SLC9A2: variants seen among roughly 807,000 people sequenced by gnomAD.
SLC9A2 encodes the protein sodium/hydrogen exchanger 2.
In SLC9A2, 42 loss-of-function variants were observed where a neutral mutation model predicts 71.7. The ratio of observed to expected loss-of-function variants is 0.59; its 90% CI spans 0.46 to 0.76. The LOEUF is 0.76. Among genes scored for constraint, SLC9A2 ranks in the 30% least tolerant of loss-of-function variants. SLC9A2 has a pLI of 0.00. For missense variants in SLC9A2, 829 were observed against 1,017.4 expected, an observed-to-expected ratio of 0.81 and a Z score of 2.52; for synonymous variants, 396 against 392.5, an observed-to-expected ratio of 1.01 and a Z score of -0.10.
intron 8 of SLC9A2, among the ~76,000 whole-genome samples, chr2:102,701,896 G>A (rs1677880439): frequency 6.6e-6 from 1 of 152,148 alleles, no homozygotes; most frequent in African/African-American, 2.4e-5. Context: ...CTGAAATTCT[G>A]ATATTGGGTT....
In SLC9A2 at chr2:102,654,195, C is replaced by CTTTTT. The variant is rs34248413; in HGVS notation, c.290-3350_290-3346dup. On this transcript the variant is annotated intron_variant, in intron 1 of 11. Transcript: ENST00000233969. ...CTGGCGATGCTGCTGTTGGCTGACT[C>CTTTTT]TTTTTTTTTTTTTTTTTTTTTTTGA... 5.3e-3 allele frequency among the ~76,000 whole-genome samples: 477 copies of CTTTTT among 89,538 alleles called. 26 individuals carry two copies. The highest frequency in any genetic ancestry group is 0.019 in the African/African-American group (412 of 21,186). The allele number at this position is 89,538 out of a possible 152,430, so 58.7% of individuals were successfully genotyped here. A position where few individuals can be genotyped will look rare whatever the true frequency, so the allele number is the denominator to read the frequency against.
At chr2:102,632,111 T>C (rs1467817510) in intron 1 of SLC9A2, among the ~76,000 whole-genome samples, 3 of 115,698 alleles carry the variant, frequency 2.6e-5, no homozygotes, top group East Asian at 2.3e-4. Context: ...TACATATATA[T>C]GTATATATAC....
intron 3 of SLC9A2, among the ~76,000 whole-genome samples, chr2:102,680,167 T>C (rs1237430036): frequency 1.3e-5 from 2 of 152,220 alleles, no homozygotes; most frequent in East Asian, 1.9e-4. Flanking sequence ...CATTTTTTTT[T>C]CCACTACATG....
intron 8 of SLC9A2, 147 bp downstream of exon 8, chr2:102,701,378 C>A: frequency 1.7e-6 from 1 of 587,174 alleles, no homozygotes; most frequent in Non-Finnish European, 2.9e-6. Flanking sequence ...AGGCATGAGC[C>A]ACTGTGCCCA....
chr2:102,704,569 T>C lies in SLC9A2; in HGVS notation c.1871T>C (p.Leu624Pro). Residue 624 changes from leucine to proline, a missense_variant, in exon 10 of 12, where the codon CTG (leucine) becomes CCG (proline). By Grantham distance (98) the Leu-to-Pro change is moderately conservative. Around this residue, in one of 3 missense-constraint regions of SLC9A2, gnomAD observed 500 missense variants for 726.3 expected, o/e 0.69. Coordinates refer to ENST00000233969, the MANE Select transcript of SLC9A2 (RefSeq NM_003048.6). ...ACTTTATCCTACAACAGACACAGTC[T>C]GACAGCCGACACAAGTGAGAGACAA... ...QRTLSYNRHS[L>P]TADTSERQAK... The C allele has an allele frequency of 6.2e-7, 1 of 1,613,262 alleles. No homozygotes were observed. Among genetic ancestry groups the C allele is most frequent in the Non-Finnish European group, 8.5e-7 (1 of 1,179,438 alleles).
In SLC9A2 at chr2:102,650,666, T is replaced by C. The variant is rs184538590; in HGVS notation, c.290-6898T>C. Among the ~76,000 whole-genome samples the C allele has an allele frequency of 1.8e-3, 276 of 152,338 alleles. 3 individuals are homozygous for C. The highest frequency in any genetic ancestry group is 6.3e-3 in the African/African-American group (263 of 41,564). ...ATAACACTGGTTAAATTATGCTTTCTTTCCTTATTGTTGTACAGCTTCTTA... is the reference window on the plus strand; with the variant it reads ...ATAACACTGGTTAAATTATGCTTTCCTTCCTTATTGTTGTACAGCTTCTTA... On this transcript the variant is annotated intron_variant, in intron 1 of 11. Coordinates refer to ENST00000233969, the MANE Select transcript of SLC9A2 (RefSeq NM_003048.6).
intron 2 of SLC9A2, among the ~76,000 whole-genome samples, chr2:102,663,969 A>G (rs1451057679): frequency 1.3e-5 from 2 of 152,142 alleles, no homozygotes; most frequent in African/African-American, 4.8e-5. Context: ...CCTTAAACCA[A>G]GACTATGTAA....
chr2:102,663,981 G>A (rs1474092980), intron 2 of SLC9A2, among the ~76,000 whole-genome samples: 1 of 152,112 alleles, frequency 6.6e-6, no homozygotes, highest in African/African-American at 2.4e-5. Context: ...ACTATGTAAA[G>A]AACTAAACAA....
chr2:102,658,123 G>GTGTGCAGGGTCT, intron 2 of SLC9A2, 96 bp downstream of exon 2: 1 of 906,124 alleles, frequency 1.1e-6, no homozygotes, highest in Non-Finnish European at 1.7e-6. Context: ...GCGAGACCCT[G>GTGTGCAGGGTCT]CACACAGGGT....
At chr2:102,675,162 G>T (rs1045072588) in intron 3 of SLC9A2, among the ~76,000 whole-genome samples, 1 of 152,164 alleles carries the variant, frequency 6.6e-6, no homozygotes, top group Non-Finnish European at 1.5e-5. Context: ...AAGTTAGCAA[G>T]GAAAGCTCAA....
At chr2:102,632,053 T>C (rs1307056315) in intron 1 of SLC9A2, among the ~76,000 whole-genome samples, 93 of 130,380 alleles carry the variant, frequency 7.1e-4, no homozygotes, top group African/African-American at 2.6e-3. Flanking sequence ...CACACACACA[T>C]ATATATACAC....
chr2:102,697,490 T>A (rs895679647), intron 7 of SLC9A2: 4 of 151,820 alleles, frequency 2.6e-5, no homozygotes, highest in African/African-American at 9.7e-5. Context: ...GGCTAGCATT[T>A]GCCACTGCAG....
chr2:102,680,308 A>G (rs1171719643), intron 3 of SLC9A2, among the ~76,000 whole-genome samples: 2 of 152,132 alleles, frequency 1.3e-5, no homozygotes, highest in African/African-American at 2.4e-5. Context: ...GATACTTTGT[A>G]TTGGAGAAAT....
intron 6 of SLC9A2, 47 bp from the exon 7 acceptor site, chr2:102,694,996 T>TGATTTCAG: frequency 6.7e-7 from 1 of 1,497,168 alleles, no homozygotes; most frequent in Non-Finnish European, 9.3e-7. Context: ...TGAAAATTAT[T>TGATTTCAG]GATTTCAGGT....
In SLC9A2 at chr2:102,632,093, CATATATAT is replaced by C. The variant is rs1199753317; in HGVS notation, c.289+11958_289+11965del. Among the ~76,000 whole-genome samples, 975 of 98,156 alleles carry C rather than the reference CATATATAT, an allele frequency of 9.9e-3. 28 individuals carry two copies. The highest frequency in any genetic ancestry group is 0.036 in the African/African-American group (937 of 26,016). 64.4% of individuals were successfully genotyped at this position (98,156 alleles called of 152,430 possible). ...ATATATATACACACATATATATACA[CATATATAT>C]ACATATATATGTATATATACATATA... On this transcript the variant is annotated intron_variant, in intron 1 of 11. Transcript: ENST00000233969.
At chr2:102,620,196 G>A (rs1676108272) in intron 1 of SLC9A2, 59 bp downstream of exon 1, 3 of 1,486,086 alleles carry the variant, frequency 2.0e-6, no homozygotes, top group South Asian at 2.6e-5. Context: ...ACACCTGGAG[G>A]GTGACCGGGT....
At position 102,683,341 on chromosome 2, in the gene SLC9A2, T is replaced by C; in HGVS notation, c.1085T>C (p.Phe362Ser). 6.2e-7 allele frequency: 1 copy of C among 1,614,052 alleles called. No individual in the cohort carries two copies. The highest frequency in any genetic ancestry group is 1.1e-5 in the South Asian group (1 of 91,076). ...AAATCCTACACGACCATCAAGTACT[T>C]CATGAAGATGCTGAGCAGTGTCAGC... The part of the protein sequence containing the change: ...SQKSYTTIKY[F>S]MKMLSSVSET... Residue 362 changes from phenylalanine (F) to serine (S), a missense_variant, in exon 4 of 12, where the codon TTC (phenylalanine) becomes TCC (serine). Transcript: ENST00000233969.
At chr2:102,683,590 T>C in intron 4 of SLC9A2, 112 bp downstream of exon 4, 1 of 782,062 alleles carries the variant, frequency 1.3e-6, no homozygotes, top group East Asian at 2.6e-5. Context: ...TCTGCTTAAT[T>C]TCTTCTTCTT....
In SLC9A2 at chr2:102,619,982, C is replaced by G. The variant is rs141211710; in HGVS notation, c.134C>G (p.Thr45Ser). Residue 45 changes from threonine to serine, a missense_variant, in exon 1 of 12, where the codon ACC becomes AGC. Around this residue, in one of 3 missense-constraint regions of SLC9A2, gnomAD observed 106 missense variants for 93.5 expected, o/e 1.13. Transcript: ENST00000233969. This position sits in a 1 kb window ranked among gnomAD's most constrained non-coding sequence, Gnocchi z 4.3. ...TLLNAPRAMG[T>S]SSSPPSPASV... The stretch of plus-strand genomic sequence containing the variant: ...CTGAACGCGCCGAGGGCCATGGGCA[C>G]CAGTTCCAGCCCGCCTAGCCCTGCG... The G allele has an allele frequency of 6.2e-7, 1 of 1,613,792 alleles. No homozygotes were observed. The highest frequency in any genetic ancestry group is 2.2e-5 in the East Asian group (1 of 44,842).
Sources: gnomAD v4.1 joint callset for allele counts (sites outside exome capture counted in the v4.1 genomes callset) on GRCh38, gnomAD v4.1.1 for gene constraint, gnomAD v4.1.1 regional missense constraint, Gnocchi (gnomAD v3.1) non-coding constraint, MANE v1.5 for transcripts, NCBI Gene and HGNC (gene_info 2026-07-23, HGNC 2026-07-21) for gene names.